SLC9C1: variants seen among roughly 807,000 people sequenced by gnomAD.
SLC9C1 encodes solute carrier family 9 member C1, also known as sodium/hydrogen exchanger 10.
Under a neutral mutation model 140.9 loss-of-function variants are expected in SLC9C1, and 97 were observed. The observed-to-expected ratio is 0.69, with a 90% CI of 0.58 to 0.82. SLC9C1 has a LOEUF of 0.82. Among genes scored for constraint, SLC9C1 ranks in the 40% least tolerant of loss-of-function variants. The pLI, the probability that SLC9C1 is intolerant of heterozygous loss-of-function variation, is 0.00. For missense variants in SLC9C1, 1,340 were observed against 1,389.3 expected (o/e 0.96, Z 0.56); for synonymous variants, 440 against 442.6 (o/e 0.99, Z 0.07).
rs1466250141 is a variant in SLC9C1 at position 112,202,277 on chromosome 3, C to G, written c.2295G>C (p.Gln765His). Residue 765 changes from glutamine to histidine, a missense_variant, in exon 18 of 29, where the codon CAG becomes CAC. Gln to His is a conservative substitution (Grantham distance 24). Transcript: ENST00000305815. ...GTTTAATCTGTTTAGAACTTGTAAT[C>G]TGATCAATTATGGTCATTATGTCTG... Reference protein sequence around the residue: ...GEADIMTIIDQITSSKQIKQM... With the variant: ...GEADIMTIIDHITSSKQIKQM... 1.9e-6 allele frequency: 3 copies of G among 1,611,038 alleles called. No individual in the cohort carries two copies. Among genetic ancestry groups the G allele is most frequent in the Non-Finnish European group, 2.5e-6 (3 of 1,178,806 alleles).
intron 23 of SLC9C1, among the ~76,000 whole-genome samples, chr3:112,169,904 C>T (rs2077214009): frequency 6.6e-6 from 1 of 151,874 alleles, no homozygotes; most frequent in Non-Finnish European, 1.5e-5. Context: ...AATTTCTTTC[C>T]ATAAATGGTA....
intron 20 of SLC9C1, among the ~76,000 whole-genome samples, chr3:112,194,787 G>A (rs546625719): frequency 4.0e-5 from 6 of 151,824 alleles, no homozygotes; most frequent in Admixed American, 6.6e-5. Flanking sequence ...CACCCTCACC[G>A]AAACAATGAT....
chr3:112,144,133 C>T (rs950896979), intron 28 of SLC9C1, among the ~76,000 whole-genome samples: 1 of 148,522 alleles, frequency 6.7e-6, no homozygotes. Flanking sequence ...CAGTACCATG[C>T]TGCTTTGATT....
intron 27 of SLC9C1, among the ~76,000 whole-genome samples, chr3:112,152,983 A>T (rs945928828): frequency 2.0e-5 from 3 of 152,156 alleles, no homozygotes; most frequent in African/African-American, 7.2e-5. Context: ...AGTCTGATCT[A>T]TCTTTCTTTC....
intron 7 of SLC9C1, 118 bp downstream of exon 7, chr3:112,269,798 T>C (rs2080022043): frequency 1.4e-6 from 1 of 722,482 alleles, no homozygotes; most frequent in Admixed American, 3.8e-5. Context: ...TTAATAAAAA[T>C]ATTCTGTCTA....
chr3:112,277,819 G>T lies in SLC9C1; in HGVS notation c.360C>A (p.Ile120=). ...CAGATGCCAGATGCCAAAGAACTAA[G>T]ATATAATTAACCAAAAAGCCGGGAA... The part of the protein sequence containing the change: ...ISIPGFLVNY[I]LVLWHLASVN... The change falls in exon 5 of 29, where the codon ATC becomes ATA. Residue 120 remains isoleucine, a synonymous_variant. Transcript: ENST00000305815. 6.2e-7 allele frequency: 1 copy of T among 1,604,522 alleles called. No individual in the cohort carries two copies. Among genetic ancestry groups the T allele is most frequent in the South Asian group, 1.1e-5 (1 of 88,616 alleles).
intron 19 of SLC9C1, 114 bp downstream of exon 19, chr3:112,200,597 G>A (rs984374426): frequency 6.6e-5 from 56 of 844,412 alleles, no homozygotes; most frequent in Middle Eastern, 4.4e-4. Flanking sequence ...ACTCACTTCA[G>A]TATTGTTAGT....
In SLC9C1 at chr3:112,179,962, C is replaced by T. The variant is rs1038432555; in HGVS notation, c.2749-261G>A. Among the ~76,000 whole-genome samples the T allele has an allele frequency of 2.0e-5, 3 of 152,250 alleles. No individual in the cohort carries two copies. The East Asian group carries it at 5.8e-4, about 29-fold the overall frequency. ...TTTTAGGATGGCTAAATCTCTAACT[C>T]AGATCAGCATAAGATGAATAACAAT... On this transcript the variant is annotated intron_variant, in intron 22 of 28. Coordinates refer to ENST00000305815, the MANE Select transcript of SLC9C1 (RefSeq NM_183061.3).
chr3:112,263,198 T>C, intron 9 of SLC9C1, 100 bp from the exon 10 acceptor site: 1 of 1,006,368 alleles, frequency 9.9e-7, no homozygotes, highest in East Asian at 3.0e-5. Context: ...AATTCCTAAC[T>C]CTCAAACAAA....
chr3:112,286,792 G>A lies in SLC9C1; in HGVS notation c.-1C>T. 6.2e-7 allele frequency: 1 copy of A among 1,609,046 alleles called. No homozygotes were observed. Among genetic ancestry groups the A allele is most frequent in the Non-Finnish European group, 8.5e-7 (1 of 1,177,880 alleles). ...AAAACTCCTTAAATATTCCAGCCATGTTTCAGAAAAATTTTTATGCAGATT... is the reference window on the plus strand; with the variant it reads ...AAAACTCCTTAAATATTCCAGCCATATTTCAGAAAAATTTTTATGCAGATT... On this transcript the variant is annotated 5_prime_UTR_variant, in exon 2 of 29. Transcript: ENST00000305815.
chr3:112,280,792 A>T lies in SLC9C1; in HGVS notation c.89-9T>A. ...GTGCCGGTTCAAAAATGCTGCAAAA[A>T]ATATGTTGTTACTGAAAGGCAATGA... On this transcript the variant is annotated splice_polypyrimidine_tract_variant and intron_variant, in intron 2 of 28. Coordinates refer to ENST00000305815, the MANE Select transcript of SLC9C1 (RefSeq NM_183061.3). The T allele has an allele frequency of 6.2e-7, 1 of 1,608,322 alleles. No homozygotes were observed. The highest frequency in any genetic ancestry group is 8.5e-7 in the Non-Finnish European group (1 of 1,177,936).
intron 3 of SLC9C1, among the ~76,000 whole-genome samples, chr3:112,279,848 T>A (rs1420914713): frequency 6.6e-6 from 1 of 152,200 alleles, no homozygotes; most frequent in Non-Finnish European, 1.5e-5. Context: ...TTTTCTCTGG[T>A]CCAGGAGTCC....
At chr3:112,213,015 A>G (rs28866639) in intron 15 of SLC9C1, among the ~76,000 whole-genome samples, 1,528 of 152,370 alleles carry the variant, frequency 0.01, 25 homozygotes, top group African/African-American at 0.034. Flanking sequence ...CTCTCAGCAG[A>G]AACTCTACAA....
chr3:112,178,262 C>T (rs575355159), intron 23 of SLC9C1, among the ~76,000 whole-genome samples: 1 of 152,096 alleles, frequency 6.6e-6, no homozygotes, highest in South Asian at 2.1e-4. Context: ...TCTCAGCCTC[C>T]CAAGTAGCTG....
intron 26 of SLC9C1, among the ~76,000 whole-genome samples, chr3:112,166,158 C>T (rs914915163): frequency 4.6e-5 from 7 of 152,192 alleles, no homozygotes; most frequent in African/African-American, 9.7e-5. Context: ...ATTTTCCAGG[C>T]GCCGTCTGTC....
intron 15 of SLC9C1, among the ~76,000 whole-genome samples, chr3:112,214,794 C>T (rs939905964): frequency 6.6e-6 from 1 of 152,134 alleles, no homozygotes; most frequent in Admixed American, 6.5e-5. Flanking sequence ...GGAGGAGCTG[C>T]TACCATTCCT....
rs748719630 is a variant in SLC9C1 at position 112,217,573 on chromosome 3, G to A, written c.1671-12C>T. The A allele has an allele frequency of 6.4e-7, 1 of 1,562,412 alleles. No homozygotes were observed. The highest frequency in any genetic ancestry group is 8.6e-7 in the Non-Finnish European group (1 of 1,158,822). ...CAAGACTCATACATCTAGAAAAAGA[G>A]AGAAATCTTTAAACATGCTTTAAAC... On this transcript the variant is annotated splice_polypyrimidine_tract_variant and intron_variant, in intron 14 of 28. Coordinates refer to ENST00000305815, the MANE Select transcript of SLC9C1 (RefSeq NM_183061.3).
intron 10 of SLC9C1, among the ~76,000 whole-genome samples, chr3:112,251,559 G>C (rs1020358454): frequency 2.0e-5 from 3 of 152,134 alleles, no homozygotes; most frequent in Non-Finnish European, 4.4e-5. Flanking sequence ...AGGTGATCCA[G>C]GAGGCCTGAG....
intron 14 of SLC9C1, 118 bp from the exon 15 acceptor site, chr3:112,217,679 T>C: frequency 1.2e-6 from 1 of 869,306 alleles, no homozygotes; most frequent in South Asian, 2.5e-5. Context: ...GAAGACTATT[T>C]TGTGCCATGA....
Sources: gnomAD v4.1 joint callset for allele counts (sites outside exome capture counted in the v4.1 genomes callset) on GRCh38, gnomAD v4.1.1 for gene constraint, MANE v1.5 for transcripts, NCBI Gene and HGNC (gene_info 2026-07-23, HGNC 2026-07-21) for gene names.